FMNL2: variants seen among roughly 807,000 people sequenced by gnomAD.
The protein encoded by FMNL2 is formin-like protein 2.
FMNL2 carries 51 observed loss-of-function variants against 130.2 expected under a neutral mutation model. The ratio of observed to expected loss-of-function variants is 0.39; its 90% CI spans 0.31 to 0.49. FMNL2 has a LOEUF of 0.49. Ranked by LOEUF, FMNL2 falls within the 20% of genes least tolerant of loss-of-function variation. The probability of loss-of-function intolerance (pLI) is 0.85; values close to 1 mark genes in which losing one functional copy is unlikely to be tolerated. For missense variants in FMNL2, 977 were observed against 1,316.2 expected (o/e 0.74, Z 3.99); for synonymous variants, 465 against 467.1 (o/e 1.00, Z 0.06).
chr2:152,434,877 C>T (rs1246449926), intron 1 of FMNL2, among the ~76,000 whole-genome samples: 1 of 152,044 alleles, frequency 6.6e-6, no homozygotes, highest in Non-Finnish European at 1.5e-5. Context: ...TAATGTGATA[C>T]TAATCCCTGG....
At chr2:152,346,392 T>C (rs1682123323) in intron 1 of FMNL2, among the ~76,000 whole-genome samples, 1 of 152,124 alleles carries the variant, frequency 6.6e-6, no homozygotes, top group South Asian at 2.1e-4. Context: ...ACATCTGTAA[T>C]TCCAGTGCTT....
chr2:152,569,650 C>T (rs1446304176), intron 6 of FMNL2, among the ~76,000 whole-genome samples: 2 of 141,306 alleles, frequency 1.4e-5, no homozygotes, highest in African/African-American at 5.4e-5. Context: ...CACTGCACTT[C>T]AGCCTAGGTG....
At chr2:152,494,183 G>A (rs557744441) in intron 1 of FMNL2, among the ~76,000 whole-genome samples, 2 of 152,318 alleles carry the variant, frequency 1.3e-5, no homozygotes, top group East Asian at 1.9e-4. Context: ...TGAGGCCAGA[G>A]GAAGGGAGAC....
intron 1 of FMNL2, among the ~76,000 whole-genome samples, chr2:152,471,412 T>C (rs183950975): frequency 1.2e-4 from 19 of 152,358 alleles, no homozygotes; most frequent in African/African-American, 4.3e-4. Context: ...AAGATGTATT[T>C]ATTCTTGACA....
At chr2:152,553,692 A>T (rs1313337806) in intron 4 of FMNL2, among the ~76,000 whole-genome samples, 2 of 151,548 alleles carry the variant, frequency 1.3e-5, no homozygotes, top group Non-Finnish European at 2.9e-5. Context: ...ATAAAATGTA[A>T]TATTTAATAA....
rs1192500518 is a variant in FMNL2, at chr2:152,647,789, T to C, written c.3170-7T>C. 1.2e-6 allele frequency: 2 copies of C among 1,613,726 alleles called. No individual in the cohort carries two copies. The highest frequency in any genetic ancestry group is 1.3e-5 in the African/African-American group (1 of 74,922). On this transcript the variant is annotated splice_region_variant and splice_polypyrimidine_tract_variant and intron_variant, in intron 25 of 25. Transcript: ENST00000288670. ...CTATTCTCTCACTGGCACTCTCCCC[T>C]TTACAGATCTTAGAAACCAACCATA... is the stretch of plus-strand genomic sequence containing the variant.
At chr2:152,460,352 T>C (rs1689171709) in intron 1 of FMNL2, among the ~76,000 whole-genome samples, 1 of 152,236 alleles carries the variant, frequency 6.6e-6, no homozygotes, top group Admixed American at 6.5e-5. Context: ...TCCTGCCAGA[T>C]AAAAGACTGA....
At chr2:152,625,165 T>G (rs1681692475) in intron 15 of FMNL2, 2 of 364,936 alleles carry the variant, frequency 5.5e-6, no homozygotes, top group South Asian at 1.7e-4. Context: ...ATGCAGCAAA[T>G]TAGTTGCCTG....
intron 1 of FMNL2, among the ~76,000 whole-genome samples, chr2:152,462,987 C>G (rs1689331785): frequency 6.6e-6 from 1 of 152,166 alleles, no homozygotes; most frequent in African/African-American, 2.4e-5. Context: ...TGTAGTCCAA[C>G]AGATTCGTTA....
At chr2:152,352,399 A>G (rs1347273519) in intron 1 of FMNL2, among the ~76,000 whole-genome samples, 1 of 152,230 alleles carries the variant, frequency 6.6e-6, no homozygotes, top group Non-Finnish European at 1.5e-5. Context: ...ACATATTTCT[A>G]GTAGGTAATA....
chr2:152,383,170 G>A (rs914642455), intron 1 of FMNL2, among the ~76,000 whole-genome samples: 4 of 151,878 alleles, frequency 2.6e-5, no homozygotes, highest in Non-Finnish European at 4.4e-5. Flanking sequence ...GGAGAGATGC[G>A]GATATTAAAT....
intron 15 of FMNL2, among the ~76,000 whole-genome samples, chr2:152,620,423 C>A (rs1214706778): frequency 6.6e-6 from 1 of 152,104 alleles, no homozygotes; most frequent in Non-Finnish European, 1.5e-5. Context: ...GCCTTGAAAT[C>A]TAAGCTCTTT....
chr2:152,569,809 G>A (rs1696075903), intron 6 of FMNL2, among the ~76,000 whole-genome samples: 1 of 151,328 alleles, frequency 6.6e-6, no homozygotes, highest in African/African-American at 2.4e-5. Context: ...AGGAGTTCGA[G>A]ACCAGCCTGG....
At chr2:152,532,367 T>C (rs1334551334) in intron 2 of FMNL2, among the ~76,000 whole-genome samples, 1 of 152,208 alleles carries the variant, frequency 6.6e-6, no homozygotes, top group Non-Finnish European at 1.5e-5. Flanking sequence ...CCATTTTGCA[T>C]TCCTACCAGC....
intron 1 of FMNL2, among the ~76,000 whole-genome samples, chr2:152,355,434 C>T (rs1290802807): frequency 6.6e-6 from 1 of 152,194 alleles, no homozygotes; most frequent in Non-Finnish European, 1.5e-5. Flanking sequence ...CATTCAGGAG[C>T]TTTCCTTCCC....
intron 1 of FMNL2, among the ~76,000 whole-genome samples, chr2:152,438,259 C>T (rs374078017): frequency 6.6e-6 from 1 of 152,190 alleles, no homozygotes; most frequent in Non-Finnish European, 1.5e-5. Context: ...ATTATTTACT[C>T]ACTGTTTTTC....
intron 1 of FMNL2, among the ~76,000 whole-genome samples, chr2:152,363,570 T>A (rs186985007): frequency 3.5e-4 from 53 of 152,000 alleles, no homozygotes; most frequent in African/African-American, 1.2e-3. Context: ...TTCTTTTTTT[T>A]TTCCCCCCCA....
chr2:152,375,253 G>A (rs1187376899), intron 1 of FMNL2, among the ~76,000 whole-genome samples: 1 of 152,148 alleles, frequency 6.6e-6, no homozygotes, highest in African/African-American at 2.4e-5. Flanking sequence ...ACAGGTGTTG[G>A]GGGCCAGAGG....
chr2:152,527,311 T>C (rs1186688165), intron 2 of FMNL2, among the ~76,000 whole-genome samples: 1 of 152,228 alleles, frequency 6.6e-6, no homozygotes, highest in African/African-American at 2.4e-5. Flanking sequence ...ATTGTGTAAC[T>C]GTTTTCCCCT....
Sources: allele counts gnomAD v4.1 joint callset (sites outside exome capture counted in the v4.1 genomes callset), GRCh38; gene constraint gnomAD v4.1.1; transcripts MANE v1.5; gene names NCBI Gene and HGNC (gene_info 2026-07-23, HGNC 2026-07-21).